The following CCSER2 variants were observed in gnomAD, a reference collection of about 807,000 sequenced individuals.
CCSER2 encodes the protein serine-rich coiled-coil domain-containing protein 2.
Under a neutral mutation model 92.3 loss-of-function variants are expected in CCSER2, and 46 were observed. The observed-to-expected ratio is 0.50, with a 90% CI of 0.39 to 0.64. CCSER2 has a LOEUF of 0.64. Ranked by LOEUF, CCSER2 falls within the 30% of genes least tolerant of loss-of-function variation. The pLI is 0.00. For missense variants in CCSER2, 1,244 were observed against 1,238.9 expected (o/e 1.00, Z -0.06); for synonymous variants, 433 against 431.4 (o/e 1.00, Z -0.04).
At chr10:84,471,372 A>G (rs1390743686) in intron 8 of CCSER2, among the ~76,000 whole-genome samples, 1 of 152,154 alleles carries the variant, frequency 6.6e-6, no homozygotes, top group East Asian at 1.9e-4. Context: ...TTTGTGTTCA[A>G]AGCCAAAGAC....
intron 1 of CCSER2, among the ~76,000 whole-genome samples, chr10:84,367,691 T>G (rs956865186): frequency 6.6e-6 from 1 of 151,226 alleles, no homozygotes; most frequent in Non-Finnish European, 1.5e-5. Context: ...GTTTAAGTCT[T>G]TGCTTCTTTT....
At chr10:84,345,079 G>A (rs945425471) in intron 1 of CCSER2, among the ~76,000 whole-genome samples, 7 of 152,060 alleles carry the variant, frequency 4.6e-5, no homozygotes, top group African/African-American at 1.4e-4. Flanking sequence ...TGATATGATC[G>A]GAATTAGAAT....
intron 5 of CCSER2, among the ~76,000 whole-genome samples, chr10:84,426,441 C>T (rs1056911994): frequency 3.3e-5 from 5 of 152,136 alleles, no homozygotes; most frequent in African/African-American, 9.7e-5. Context: ...AAAACCTGAC[C>T]TGGCGCAGAT....
chr10:84,508,872 A>G (rs1367377596), intron 9 of CCSER2, among the ~76,000 whole-genome samples: 2 of 152,192 alleles, frequency 1.3e-5, no homozygotes, highest in Non-Finnish European at 2.9e-5. Context: ...GAAGAAATTT[A>G]TTGAGGACAT....
intron 1 of CCSER2, among the ~76,000 whole-genome samples, chr10:84,349,367 T>C (rs1844733201): frequency 6.6e-6 from 1 of 152,146 alleles, no homozygotes; most frequent in Non-Finnish European, 1.5e-5. Context: ...CTCTCTCCCC[T>C]ATATATCTTG....
rs1339208643 is a variant in CCSER2 at position 84,381,930 on chromosome 10, A to AG, written c.1614+8115_1614+8116insG. 2.0e-5 allele frequency among the ~76,000 whole-genome samples: 3 copies of AG among 151,608 alleles called. No individual in the cohort carries two copies. The East Asian group carries it at 5.8e-4, about 29-fold the overall frequency. On this transcript the variant is annotated intron_variant, in intron 3 of 9. Transcript: ENST00000372088. Reference sequence around the variant, plus strand: ...GCAAGGCTTTCTCAAAAAAAAAAAAAAAAAAAAGAACATCCGTCGTGGACA... The same window carrying AG: ...GCAAGGCTTTCTCAAAAAAAAAAAAAGAAAAAAAGAACATCCGTCGTGGACA...
intron 3 of CCSER2, among the ~76,000 whole-genome samples, chr10:84,413,191 C>A (rs1026653525): frequency 2.0e-5 from 3 of 150,730 alleles, no homozygotes; most frequent in Non-Finnish European, 4.4e-5. Context: ...CTTCTGCTCA[C>A]TTTGGGGTTG....
At chr10:84,368,764 T>A (rs1845913164) in intron 1 of CCSER2, among the ~76,000 whole-genome samples, 1 of 152,166 alleles carries the variant, frequency 6.6e-6, no homozygotes, top group African/African-American at 2.4e-5. Flanking sequence ...GAGATTTTAG[T>A]GCACGTGCCA....
At chr10:84,332,438 T>TATATA (rs1843630003) in intron 1 of CCSER2, among the ~76,000 whole-genome samples, 1 of 84,878 alleles carries the variant, frequency 1.2e-5, no homozygotes, top group African/African-American at 8.4e-5. Context: ...ATATATATAT[T>TATATA]TTTTTTTTTT....
intron 3 of CCSER2, among the ~76,000 whole-genome samples, chr10:84,393,030 A>G (rs1841614561): frequency 1.3e-5 from 2 of 152,150 alleles, no homozygotes; most frequent in Admixed American, 6.5e-5. Flanking sequence ...CCTATGTTGC[A>G]GCAATTTGTG....
chr10:84,398,776 A>C (rs992704286), intron 3 of CCSER2, among the ~76,000 whole-genome samples: 1 of 152,038 alleles, frequency 6.6e-6, no homozygotes, highest in African/African-American at 2.4e-5. Flanking sequence ...TGATGAACAG[A>C]CTTTTTTTTT....
intron 9 of CCSER2, among the ~76,000 whole-genome samples, chr10:84,492,018 G>A (rs1414833185): frequency 2.0e-5 from 3 of 152,144 alleles, no homozygotes; most frequent in Non-Finnish European, 4.4e-5. Context: ...GGTGGCTCAT[G>A]CCTGTAATCC....
At chr10:84,433,166 T>A (rs191622913) in intron 5 of CCSER2, among the ~76,000 whole-genome samples, 195 of 152,316 alleles carry the variant, frequency 1.3e-3, no homozygotes, top group African/African-American at 4.6e-3. Context: ...GACTTTCTTC[T>A]TCTTCAATAT....
chr10:84,347,408 G>T (rs1291389461), intron 1 of CCSER2, among the ~76,000 whole-genome samples: 34 of 149,600 alleles, frequency 2.3e-4, no homozygotes, highest in Admixed American at 2.2e-3. Flanking sequence ...GGGAGGGGGG[G>T]TGCTGACCCC....
intron 5 of CCSER2, among the ~76,000 whole-genome samples, chr10:84,426,952 A>G (rs750899917): frequency 5.9e-5 from 9 of 152,232 alleles, no homozygotes; most frequent in Non-Finnish European, 1.3e-4. Context: ...TCAAATTAGT[A>G]TGAGAATGAA....
intron 4 of CCSER2, among the ~76,000 whole-genome samples, chr10:84,420,951 G>A (rs1843118039): frequency 7.8e-6 from 1 of 127,750 alleles, no homozygotes; most frequent in South Asian, 2.5e-4. Flanking sequence ...AAAAAAAAAG[G>A]TTTAGATTGG....
chr10:84,361,049 A>G (rs970168296), intron 1 of CCSER2, among the ~76,000 whole-genome samples: 4 of 152,282 alleles, frequency 2.6e-5, no homozygotes, highest in East Asian at 1.9e-4. Flanking sequence ...CAGAGGACAG[A>G]AGGAGGCAGG....
intron 4 of CCSER2, among the ~76,000 whole-genome samples, chr10:84,418,314 C>T (rs1202045923): frequency 6.6e-6 from 1 of 152,170 alleles, no homozygotes; most frequent in Non-Finnish European, 1.5e-5. Flanking sequence ...ACTCCCAATT[C>T]TAGTCTATCT....
chr10:84,449,249 C>T (rs1267482598), intron 6 of CCSER2, among the ~76,000 whole-genome samples: 9 of 152,022 alleles, frequency 5.9e-5, no homozygotes, highest in Admixed American at 5.9e-4. Flanking sequence ...GTGGCGTGTG[C>T]CTGTAGTCCC....
Sources: allele counts gnomAD v4.1 joint callset (sites outside exome capture counted in the v4.1 genomes callset), GRCh38; gene constraint gnomAD v4.1.1; transcripts MANE v1.5; gene names NCBI Gene and HGNC (gene_info 2026-07-23, HGNC 2026-07-21).